Variants in SUFU observed in about 807,000 individuals in gnomAD.
SUFU encodes SUFU negative regulator of hedgehog signaling.
In SUFU, 7 loss-of-function variants were observed where a neutral mutation model predicts 58.9. The ratio of observed to expected loss-of-function variants is 0.12; its 90% CI spans 0.07 to 0.22. The LOEUF (loss-of-function observed/expected upper bound fraction) is 0.22, where lower values mean the gene tolerates loss of function less well. Ranked by LOEUF, SUFU falls within the 10% of genes least tolerant of loss-of-function variation. The pLI is 1.00. For synonymous variants in SUFU, 232 were observed against 254.8 expected (o/e 0.91, Z 0.85); for missense variants, 451 against 641.3 (o/e 0.70, Z 3.20).
intron 2 of SUFU, among the ~76,000 whole-genome samples, chr10:102,533,408 CAA>C (rs1185623999): frequency 7.9e-5 from 8 of 100,722 alleles, no homozygotes; most frequent in Admixed American, 1.1e-4. Context: ...CCCATCTCTA[CAA>C]AAAAAAAAAA....
At chr10:102,583,198 C>A (rs2063300817) in intron 3 of SUFU, among the ~76,000 whole-genome samples, 1 of 152,140 alleles carries the variant, frequency 6.6e-6, no homozygotes, top group Admixed American at 6.5e-5. Context: ...AAAACTGTGA[C>A]CAGGGCTCTT....
At chr10:102,622,724 C>T (rs1358635891) in intron 10 of SUFU, among the ~76,000 whole-genome samples, 2 of 151,268 alleles carry the variant, frequency 1.3e-5, no homozygotes, top group African/African-American at 4.9e-5. Flanking sequence ...GAGGCTGAGG[C>T]AGGAGAATGG....
At chr10:102,534,396 T>G (rs1292252247) in intron 2 of SUFU, among the ~76,000 whole-genome samples, 1 of 152,140 alleles carries the variant, frequency 6.6e-6, no homozygotes, top group Non-Finnish European at 1.5e-5. Flanking sequence ...CACTGCACTC[T>G]GGCCTGGGCT....
At chr10:102,560,213 CAG>C (rs2063022461) in intron 3 of SUFU, among the ~76,000 whole-genome samples, 1 of 152,214 alleles carries the variant, frequency 6.6e-6, no homozygotes, top group Non-Finnish European at 1.5e-5. Context: ...CATTCCCTCA[CAG>C]AGAAAACTTT....
At chr10:102,520,303 C>T (rs558508877) in intron 2 of SUFU, among the ~76,000 whole-genome samples, 8 of 150,164 alleles carry the variant, frequency 5.3e-5, no homozygotes, top group Admixed American at 5.3e-4. Flanking sequence ...CTGCAGCCTC[C>T]GCCTCCTGGG....
intron 2 of SUFU, 137 bp from the exon 3 acceptor site, chr10:102,549,833 C>G: frequency 8.8e-7 from 1 of 1,141,142 alleles, no homozygotes; most frequent in South Asian, 1.4e-5. Flanking sequence ...CCACAAGGCT[C>G]ACATCCTGGG....
intron 8 of SUFU, among the ~76,000 whole-genome samples, chr10:102,608,809 T>A (rs2135912773): frequency 6.6e-6 from 1 of 152,356 alleles, no homozygotes; most frequent in East Asian, 1.9e-4. Flanking sequence ...ATTTTCCCTC[T>A]GTCCTCCTCA....
chr10:102,598,559 A>G (rs2063486742), intron 7 of SUFU, among the ~76,000 whole-genome samples: 3 of 152,222 alleles, frequency 2.0e-5, no homozygotes, highest in South Asian at 2.1e-4. Flanking sequence ...GCTTTTGACA[A>G]AAGAGGTGAT....
At chr10:102,572,788 A>G in intron 3 of SUFU, 1 of 799,202 alleles carries the variant, frequency 1.3e-6, no homozygotes, top group Non-Finnish European at 2.2e-6. Flanking sequence ...GGCAACATCC[A>G]AAGCATCGTA....
intron 1 of SUFU, 24 bp downstream of exon 1, chr10:102,504,358 C>T (rs780171029): frequency 1.8e-5 from 29 of 1,613,264 alleles, no homozygotes; most frequent in Admixed American, 3.3e-5. Context: ...CGCGGGGAGA[C>T]GGACAGGCGC....
intron 3 of SUFU, among the ~76,000 whole-genome samples, chr10:102,586,186 G>C (rs900792950): frequency 1.2e-4 from 18 of 151,776 alleles, no homozygotes; most frequent in African/African-American, 2.7e-4. Context: ...TGCCCGGCCA[G>C]CTATTTGTAT....
At chr10:102,565,965 T>TTG (rs2063085181) in intron 3 of SUFU, among the ~76,000 whole-genome samples, 1 of 152,210 alleles carries the variant, frequency 6.6e-6, no homozygotes, top group African/African-American at 2.4e-5. Context: ...TGTGGCCCTT[T>TTG]TGTCTCTAGC....
At chr10:102,551,320 G>C (rs904384779) in intron 3 of SUFU, among the ~76,000 whole-genome samples, 50 of 152,178 alleles carry the variant, frequency 3.3e-4, no homozygotes, top group Admixed American at 7.9e-4. Flanking sequence ...TTCCTGTGGG[G>C]CTCCAGTTGA....
intron 2 of SUFU, among the ~76,000 whole-genome samples, chr10:102,511,205 GTTTC>G (rs968882841): frequency 4.2e-4 from 64 of 151,360 alleles, no homozygotes; most frequent in Admixed American, 1.7e-3. Flanking sequence ...TTGATGGAGA[GTTTC>G]TTTTCTTCAA....
At chr10:102,575,977 C>A (rs2063208160) in intron 3 of SUFU, among the ~76,000 whole-genome samples, 1 of 151,464 alleles carries the variant, frequency 6.6e-6, no homozygotes, top group Non-Finnish European at 1.5e-5. Flanking sequence ...GCTGGGTCTA[C>A]TGGCACATGC....
chr10:102,534,027 G>A (rs542912032), intron 2 of SUFU, among the ~76,000 whole-genome samples: 132 of 152,268 alleles, frequency 8.7e-4, no homozygotes, highest in Non-Finnish European at 1.7e-3. Flanking sequence ...TCTTTGCTTG[G>A]GTATAGATTT....
At chr10:102,596,801 C>T (rs949963846) in intron 6 of SUFU, among the ~76,000 whole-genome samples, 1 of 152,190 alleles carries the variant, frequency 6.6e-6, no homozygotes, top group Non-Finnish European at 1.5e-5. Flanking sequence ...ACATCAGCCC[C>T]ACCAGCCAGC....
rs751776532 is a variant in SUFU at position 102,632,127 on chromosome 10, G to A, written c.*1972G>A. On this transcript the variant is annotated 3_prime_UTR_variant, in exon 12 of 12. Coordinates refer to ENST00000369902, the MANE Select transcript of SUFU (RefSeq NM_016169.4). ...TGAGGGCTCCCTGCTGCAGTTCGCC[G>A]TACTTCCATCTGCTGGGTGCCTCCA... 4.7e-5 allele frequency: 11 copies of A among 233,260 alleles called. No individual in the cohort carries two copies. Among genetic ancestry groups the A allele is most frequent in the African/African-American group, 8.8e-5 (4 of 45,328 alleles). 14.4% of individuals were successfully genotyped at this position (233,260 alleles called of 1,614,324 possible). A position where few individuals can be genotyped will look rare whatever the true frequency, so the allele number is the denominator to read the frequency against.
intron 3 of SUFU, among the ~76,000 whole-genome samples, chr10:102,570,996 C>T (rs925486484): frequency 2.0e-5 from 3 of 151,616 alleles, no homozygotes; most frequent in African/African-American, 2.4e-5. Flanking sequence ...AAAAAAAAAA[C>T]CAAAACCTTC....
Sources: gnomAD v4.1 joint callset for allele counts (sites outside exome capture counted in the v4.1 genomes callset) on GRCh38, gnomAD v4.1.1 for gene constraint, MANE v1.5 for transcripts, NCBI Gene and HGNC (gene_info 2026-07-23, HGNC 2026-07-21) for gene names.